Variants in MMS19 observed in about 807,000 individuals in gnomAD.
MMS19 encodes MMS19 cytosolic iron-sulfur assembly component.
Under a neutral mutation model 129.8 loss-of-function variants are expected in MMS19, and 77 were observed. That is an observed-to-expected ratio of 0.59 (90% CI 0.49 to 0.72). The LOEUF (loss-of-function observed/expected upper bound fraction) is 0.72. Among genes scored for constraint, MMS19 ranks in the 30% least tolerant of loss-of-function variants. The probability of loss-of-function intolerance (pLI) is 0.00; values close to 1 mark genes in which losing one functional copy is unlikely to be tolerated. For synonymous variants in MMS19, 491 were observed against 502.8 expected (o/e 0.98, Z 0.31); for missense variants, 1,168 against 1,266.3 (o/e 0.92, Z 1.18).
At position 97,486,872 on chromosome 10, in the gene MMS19, T is replaced by C. The variant is rs1407577735; in HGVS notation, c.113-2721A>G. ...CTGAAATTAAAGTGCCATATATATATATATATATATATATATATATATAAA... is the reference window on the plus strand; with the variant it reads ...CTGAAATTAAAGTGCCATATATATACATATATATATATATATATATATAAA... On this transcript the variant is annotated intron_variant, in intron 1 of 30. Transcript: ENST00000438925. Among the ~76,000 whole-genome samples the C allele has an allele frequency of 5.8e-5, 4 of 68,726 alleles. 1 individual carries two copies. The highest frequency in any genetic ancestry group is 1.2e-4 in the Non-Finnish European group (4 of 32,828). The allele number at this position is 68,726 out of a possible 152,430, so 45.1% of individuals were successfully genotyped here.
At chr10:97,473,842 G>A (rs1379928788) in intron 8 of MMS19, among the ~76,000 whole-genome samples, 1 of 151,950 alleles carries the variant, frequency 6.6e-6, no homozygotes, top group Admixed American at 6.6e-5. Context: ...CTACTGTCTG[G>A]CCTTTTATAG....
intron 1 of MMS19, among the ~76,000 whole-genome samples, chr10:97,494,008 C>T (rs1489050929): frequency 1.3e-5 from 2 of 152,154 alleles, no homozygotes; most frequent in Non-Finnish European, 2.9e-5. Context: ...GAGCAAAACT[C>T]CATCTCAAAA....
intron 2 of MMS19, among the ~76,000 whole-genome samples, chr10:97,482,582 G>C (rs1445528039): frequency 6.6e-6 from 1 of 152,032 alleles, no homozygotes; most frequent in Non-Finnish European, 1.5e-5. Flanking sequence ...CTGGAGTAAT[G>C]AAAATGTCCT....
intron 8 of MMS19, 133 bp from the exon 9 acceptor site, chr10:97,470,994 C>T: frequency 5.5e-6 from 3 of 544,102 alleles, no homozygotes; most frequent in Non-Finnish European, 9.2e-6. Flanking sequence ...TAATGAGGCC[C>T]CAGCAAGAAG....
chr10:97,483,120 C>A (rs933435246), intron 2 of MMS19, among the ~76,000 whole-genome samples: 2 of 151,922 alleles, frequency 1.3e-5, no homozygotes, highest in African/African-American at 4.8e-5. Flanking sequence ...AGTGGCATGA[C>A]CTGTTTACCA....
intron 10 of MMS19, 135 bp from the exon 11 acceptor site, chr10:97,469,858 T>C (rs2034317889): frequency 1.4e-6 from 1 of 715,914 alleles, no homozygotes; most frequent in Non-Finnish European, 2.3e-6. Flanking sequence ...ACAGTCCTAC[T>C]AAGGGAACAG....
In MMS19 at chr10:97,465,852, T is replaced by C; in HGVS notation, c.1709A>G (p.Lys570Arg). 2 of 1,613,938 alleles carry C rather than the reference T, an allele frequency of 1.2e-6. No individual in the cohort carries two copies. The highest frequency in any genetic ancestry group is 2.2e-5 in the East Asian group (1 of 44,886). Reference protein sequence around the residue: ...SAVSTHPSIVKETLPLLLQHL... With the variant: ...SAVSTHPSIVRETLPLLLQHL... ...CTGCAGCAGCAGAGGCAGTGTCTCC[T>C]TGACGATGCTGGGATGTGTTGATAC... is the stretch of plus-strand genomic sequence containing the variant. The change falls in exon 18 of 31, where the codon AAG becomes AGG. Residue 570 changes from lysine (K) to arginine (R), a missense_variant. Lys to Arg is a conservative substitution (Grantham distance 26, BLOSUM62 2). Coordinates refer to ENST00000438925, the MANE Select transcript of MMS19 (RefSeq NM_022362.5).
chr10:97,477,037 C>A, intron 6 of MMS19, 74 bp from the exon 7 acceptor site: 1 of 1,594,182 alleles, frequency 6.3e-7, no homozygotes, highest in South Asian at 1.1e-5. Context: ...AGCCTGTGTT[C>A]TCCCTCTGCT....
intron 14 of MMS19, 118 bp downstream of exon 14, chr10:97,467,387 A>G (rs1464913292): frequency 2.2e-5 from 15 of 684,646 alleles, no homozygotes; most frequent in East Asian, 1.3e-4. Flanking sequence ...TTGTGCTACA[A>G]CCTCAGAATA....
chr10:97,487,291 A>G (rs991204797), intron 1 of MMS19, among the ~76,000 whole-genome samples: 15 of 151,062 alleles, frequency 9.9e-5, no homozygotes, highest in African/African-American at 3.7e-4. Context: ...TTTCACCAAA[A>G]TATGTTTTTT....
At chr10:97,486,131 A>G (rs1339666958) in intron 1 of MMS19, among the ~76,000 whole-genome samples, 1 of 152,254 alleles carries the variant, frequency 6.6e-6, no homozygotes, top group Non-Finnish European at 1.5e-5. Context: ...CATATACAAC[A>G]GAATACTATT....
intron 1 of MMS19, among the ~76,000 whole-genome samples, chr10:97,493,413 AC>A (rs959854399): frequency 6.6e-6 from 1 of 152,144 alleles, no homozygotes; most frequent in African/African-American, 2.4e-5. Flanking sequence ...CCTGTTCGCT[AC>A]AAAAAAATTA....
intron 1 of MMS19, among the ~76,000 whole-genome samples, chr10:97,490,382 T>C (rs2038669922): frequency 6.6e-6 from 1 of 152,202 alleles, no homozygotes; most frequent in Non-Finnish European, 1.5e-5. Flanking sequence ...ACCTGGCCTT[T>C]AAATGCAATT....
intron 9 of MMS19, among the ~76,000 whole-genome samples, 196 bp from the exon 10 acceptor site, chr10:97,470,399 T>C (rs970793623): frequency 5.3e-5 from 8 of 152,212 alleles, no homozygotes; most frequent in East Asian, 1.9e-4. Context: ...AACAGGCAAG[T>C]TGACAAAGTT....
chr10:97,498,468 C>T (rs2040230392), upstream of MMS19: 3 of 1,521,496 alleles, frequency 2.0e-6, no homozygotes, highest in Non-Finnish European at 1.8e-6. Context: ...AGCCAATCTC[C>T]GGGGAAGCGC....
chr10:97,481,693 T>G (rs760047696), intron 2 of MMS19, among the ~76,000 whole-genome samples: 3 of 152,078 alleles, frequency 2.0e-5, no homozygotes, highest in Non-Finnish European at 4.4e-5. Context: ...ACGGAGATTA[T>G]ACTGAAACAT....
At chr10:97,461,943 T>C in intron 21 of MMS19, 47 bp from the exon 22 acceptor site, 1 of 1,572,410 alleles carries the variant, frequency 6.4e-7, no homozygotes. Flanking sequence ...AATAAGCTTG[T>C]CTGCCCCTCT....
rs938211907 is a variant in MMS19 at position 97,498,395 on chromosome 10, A to C, written c.-11T>G. 6.3e-7 allele frequency: 1 copy of C among 1,579,426 alleles called. No individual in the cohort carries two copies. The stretch of plus-strand genomic sequence containing the variant: ...CGCGGCAGCGGCCATAACGCGAACT[A>C]GAGACCGTGGGAGGGGATATGGGCG... On this transcript the variant is annotated 5_prime_UTR_variant, in exon 1 of 31. Transcript: ENST00000438925.
chr10:97,462,828 T>G (rs2032376268), intron 19 of MMS19, 146 bp from the exon 20 acceptor site: 1 of 660,032 alleles, frequency 1.5e-6, no homozygotes, highest in African/African-American at 1.8e-5. Flanking sequence ...AGTGCTATAG[T>G]CCTGAGAATC....
Sources: gnomAD v4.1 joint callset for allele counts (sites outside exome capture counted in the v4.1 genomes callset) on GRCh38, gnomAD v4.1.1 for gene constraint, MANE v1.5 for transcripts, NCBI Gene and HGNC (gene_info 2026-07-23, HGNC 2026-07-21) for gene names.